Variants in INSYN2A observed in about 807,000 individuals in gnomAD.
INSYN2A encodes family with sequence similarity 196 member A.
A neutral mutation model predicts 39.4 loss-of-function variants in INSYN2A; 17 were observed. The observed-to-expected ratio is 0.43, with a 90% confidence interval of 0.30 to 0.65. INSYN2A has a LOEUF of 0.65. INSYN2A is among the 30% of genes least tolerant of loss of function. INSYN2A has a pLI of 0.14. For synonymous variants in INSYN2A, 255 were observed against 265.7 expected (o/e 0.96, Z 0.39); for missense variants, 595 against 631.2 (o/e 0.94, Z 0.61).
chr10:127,191,179 A>C (rs2056730837), intron 2 of INSYN2A, among the ~76,000 whole-genome samples: 1 of 152,064 alleles, frequency 6.6e-6, no homozygotes, highest in Non-Finnish European at 1.5e-5. Context: ...TCACCCACGA[A>C]GTGAGCCGGG....
intron 5 of INSYN2A, among the ~76,000 whole-genome samples, chr10:127,141,539 C>T (rs1443875798): frequency 6.6e-6 from 1 of 152,106 alleles, no homozygotes; most frequent in African/African-American, 2.4e-5. Flanking sequence ...CCCATCTGTA[C>T]TAAAAATATA....
intron 4 of INSYN2A, among the ~76,000 whole-genome samples, chr10:127,173,463 C>T (rs2054770806): frequency 6.6e-6 from 1 of 152,186 alleles, no homozygotes; most frequent in Non-Finnish European, 1.5e-5. Context: ...AAGGCGCTCC[C>T]ATATATCGTA....
intron 2 of INSYN2A, among the ~76,000 whole-genome samples, chr10:127,190,291 G>T (rs557752218): frequency 2.7e-4 from 41 of 152,302 alleles, no homozygotes; most frequent in African/African-American, 9.9e-4. Context: ...CGTCAGTACT[G>T]TTCAGCCCTG....
Position 127,175,716 on chromosome 10 carries a change from C to T in INSYN2A, c.680G>A (p.Arg227Lys), listed in dbSNP as rs760887375. 2.5e-6 allele frequency: 4 copies of T among 1,613,922 alleles called. No individual in the cohort carries two copies. The highest frequency in any genetic ancestry group is 1.3e-5 in the African/African-American group (1 of 74,922). The change falls in exon 4 of 6, where the codon AGG becomes AAG. Residue 227 changes from arginine (R) to lysine (K), a missense_variant. This residue lies in a region of INSYN2A where 478 missense variants were observed against 467.4 expected (regional missense o/e 1.02). Transcript: ENST00000522781. The surrounding 1 kb of genome is among the most constrained non-coding windows in gnomAD (Gnocchi z 6.3). The part of the protein sequence containing the change: ...SEEPDYQLLG[R>K]AKQDRGRPNS... ...TGGCCTCCCCCGGTCCTGCTTGGCC[C>T]TCCCGAGCAGCTGGTAATCGGGCTC...
intron 5 of INSYN2A, among the ~76,000 whole-genome samples, chr10:127,150,783 A>G (rs2052410183): frequency 6.6e-6 from 1 of 152,160 alleles, no homozygotes; most frequent in Admixed American, 6.5e-5. Flanking sequence ...AAAGGTAGAG[A>G]CAGGTCAAGT....
At chr10:127,155,128 G>A (rs2052911284) in intron 4 of INSYN2A, among the ~76,000 whole-genome samples, 3 of 152,226 alleles carry the variant, frequency 2.0e-5, no homozygotes, top group Admixed American at 2.0e-4. Flanking sequence ...ACTCACCAGA[G>A]TAACAGTGTG....
chr10:127,151,561 G>A (rs1237732765), intron 5 of INSYN2A, among the ~76,000 whole-genome samples: 1 of 152,172 alleles, frequency 6.6e-6, no homozygotes, highest in Non-Finnish European at 1.5e-5. Flanking sequence ...TTATAAGGGG[G>A]TGACAGTCGG....
At chr10:127,193,841 G>C (rs144046825) in intron 1 of INSYN2A, among the ~76,000 whole-genome samples, 1 of 152,138 alleles carries the variant, frequency 6.6e-6, no homozygotes, top group South Asian at 2.1e-4. Flanking sequence ...AGAAGCCCCC[G>C]AAGTAAACAG....
chr10:127,161,758 C>A (rs1470154633), intron 4 of INSYN2A, among the ~76,000 whole-genome samples: 1 of 152,188 alleles, frequency 6.6e-6, no homozygotes, highest in Non-Finnish European at 1.5e-5. Flanking sequence ...ACCTGTCTTG[C>A]CATGTTGTCA....
chr10:127,175,705 C>T lies in INSYN2A; in HGVS notation c.691G>A (p.Asp231Asn). The T allele has an allele frequency of 5.0e-6, 8 of 1,613,944 alleles. No individual in the cohort carries two copies. Among genetic ancestry groups the T allele is most frequent in the Non-Finnish European group, 6.8e-6 (8 of 1,180,004 alleles). Residue 231 changes from aspartate to asparagine, a missense_variant, in exon 4 of 6, where the codon GAC (aspartate) becomes AAC (asparagine). By Grantham distance (23) the Asp-to-Asn change is conservative (BLOSUM62 1). Coordinates refer to ENST00000522781, the MANE Select transcript of INSYN2A (RefSeq NM_001039762.3). The surrounding 1 kb of genome is among the most constrained non-coding windows in gnomAD (Gnocchi z 6.3). Reference protein sequence around the residue: ...DYQLLGRAKQDRGRPNSEEPA... With the variant: ...DYQLLGRAKQNRGRPNSEEPA... Reference sequence around the variant, plus strand: ...TCCTCGGAGTTTGGCCTCCCCCGGTCCTGCTTGGCCCTCCCGAGCAGCTGG... The same window carrying T: ...TCCTCGGAGTTTGGCCTCCCCCGGTTCTGCTTGGCCCTCCCGAGCAGCTGG...
chr10:127,150,691 A>C (rs944039408), intron 5 of INSYN2A, among the ~76,000 whole-genome samples: 2 of 152,224 alleles, frequency 1.3e-5, no homozygotes, highest in Non-Finnish European at 2.9e-5. Flanking sequence ...ATGTCATGCA[A>C]ACCACTGAGG....
At chr10:127,170,265 A>G (rs1276245933) in intron 4 of INSYN2A, among the ~76,000 whole-genome samples, 1 of 152,144 alleles carries the variant, frequency 6.6e-6, no homozygotes, top group South Asian at 2.1e-4. Context: ...GTAAAGTCAC[A>G]AAGCCCCGAA....
intron 2 of INSYN2A, among the ~76,000 whole-genome samples, chr10:127,179,332 T>C (rs1217951549): frequency 6.6e-6 from 1 of 152,236 alleles, no homozygotes; most frequent in African/African-American, 2.4e-5. Flanking sequence ...CTCTGTTTTA[T>C]AGAGGGTTGC....
intron 2 of INSYN2A, among the ~76,000 whole-genome samples, chr10:127,180,844 G>A (rs1167527): frequency 1 from 152,141 of 152,372 alleles, 75,955 homozygotes; most frequent in Non-Finnish European, 1. Context: ...GCAGTCTACA[G>A]ATTATACTGG....
intron 5 of INSYN2A, among the ~76,000 whole-genome samples, chr10:127,152,638 A>G (rs1049314759): frequency 5.3e-4 from 81 of 152,248 alleles, no homozygotes; most frequent in African/African-American, 1.7e-3. Context: ...CAGGCAGCAT[A>G]GGATGTCAGC....
At chr10:127,147,096 C>T (rs2051941481) in intron 5 of INSYN2A, among the ~76,000 whole-genome samples, 1 of 152,200 alleles carries the variant, frequency 6.6e-6, no homozygotes, top group East Asian at 1.9e-4. Flanking sequence ...GTGAATTCTT[C>T]ATTCAGTCTC....
rs374342932 is a variant in INSYN2A at position 127,175,917 on chromosome 10, C to T, written c.479G>A (p.Arg160Gln). The change falls in exon 4 of 6, where the codon CGG (arginine) becomes CAG (glutamine). Residue 160 changes from arginine to glutamine, a missense_variant. This residue lies in a region of INSYN2A where 478 missense variants were observed against 467.4 expected (regional missense o/e 1.02). Transcript: ENST00000522781. This position sits in a 1 kb window ranked among gnomAD's most constrained non-coding sequence, Gnocchi z 6.3. ...GTGCACCCGCCCCGCGCCACATGGC[C>T]GGGCCTCCTCCATGGGTCCAGCCTC... ...KNEAGPMEEA[R>Q]PCGAGRVHKT... 164 of 1,614,190 alleles carry T rather than the reference C, an allele frequency of 1.0e-4. 1 individual carries two copies. In the Middle Eastern group the frequency reaches 1.2e-3, roughly 11 times the overall value.
Position 127,153,833 on chromosome 10 carries a change from G to A in INSYN2A, c.1256+19C>T, listed in dbSNP as rs1328993474. 2 of 1,574,694 alleles carry A rather than the reference G, an allele frequency of 1.3e-6. No individual in the cohort carries two copies. The highest frequency in any genetic ancestry group is 1.7e-6 in the Non-Finnish European group (2 of 1,144,306). On this transcript the variant is annotated intron_variant, in intron 5 of 5. Transcript: ENST00000522781. The stretch of plus-strand genomic sequence containing the variant: ...GTCACTCATAATAAGAAAGTGGGAA[G>A]AGGAGAATGTTAACATACCTATAGA...
At chr10:127,147,693 A>G (rs1412653552) in intron 5 of INSYN2A, among the ~76,000 whole-genome samples, 1 of 151,996 alleles carries the variant, frequency 6.6e-6, no homozygotes, top group Non-Finnish European at 1.5e-5. Context: ...TAGGACCCCA[A>G]ATGGAAAGGG....
Sources: gnomAD v4.1 joint callset for allele counts (sites outside exome capture counted in the v4.1 genomes callset) on GRCh38, gnomAD v4.1.1 for gene constraint, gnomAD v4.1.1 regional missense constraint, Gnocchi (gnomAD v3.1) non-coding constraint, MANE v1.5 for transcripts, NCBI Gene and HGNC (gene_info 2026-07-23, HGNC 2026-07-21) for gene names.